Variants in ITGB5 observed in about 807,000 individuals in gnomAD.
The protein encoded by ITGB5 is integrin beta-5.
ITGB5 carries 38 observed loss-of-function variants against 84.8 expected under a neutral mutation model. The observed-to-expected ratio is 0.45, with a 90% confidence interval of 0.35 to 0.59. The LOEUF (loss-of-function observed/expected upper bound fraction) is 0.59, where lower values mean the gene tolerates loss of function less well. ITGB5 is among the 20% of genes least tolerant of loss of function. The pLI is 0.01. For synonymous variants in ITGB5, 393 were observed against 414.4 expected, an observed-to-expected ratio of 0.95 and a Z score of 0.63; for missense variants, 905 against 1,034.5, an observed-to-expected ratio of 0.87 and a Z score of 1.72.
At chr3:124,839,670 C>T (rs1011771646) in intron 5 of ITGB5, among the ~76,000 whole-genome samples, 8 of 152,178 alleles carry the variant, frequency 5.3e-5, no homozygotes, top group South Asian at 2.1e-4. Flanking sequence ...GTGGAGAAAA[C>T]GCCTCCTATA....
chr3:124,832,909 T>C (rs2064879622), intron 5 of ITGB5: 1 of 152,244 alleles, frequency 6.6e-6, no homozygotes, highest in Non-Finnish European at 1.5e-5. Flanking sequence ...CCACAGTAGA[T>C]CTGAGCTTGG....
At chr3:124,874,272 TG>T (rs1214782524) in intron 1 of ITGB5, among the ~76,000 whole-genome samples, 1 of 128,452 alleles carries the variant, frequency 7.8e-6, no homozygotes, top group Non-Finnish European at 1.5e-5. Context: ...CACTCCAGCC[TG>T]GGCAACAGAG....
chr3:124,841,980 T>C (rs1262185720), intron 4 of ITGB5, among the ~76,000 whole-genome samples: 1 of 152,196 alleles, frequency 6.6e-6, no homozygotes, highest in Non-Finnish European at 1.5e-5. Flanking sequence ...AGTTACTCCA[T>C]GCAACCAGCT....
chr3:124,869,477 G>C (rs2065443862), intron 2 of ITGB5, among the ~76,000 whole-genome samples: 3 of 152,156 alleles, frequency 2.0e-5, no homozygotes, highest in South Asian at 4.1e-4. Context: ...TCAGGAAGCT[G>C]GGTAGGAGAA....
intron 1 of ITGB5, among the ~76,000 whole-genome samples, chr3:124,898,782 A>T: frequency 6.8e-6 from 1 of 146,734 alleles, no homozygotes; most frequent in Non-Finnish European, 1.5e-5. Context: ...TTAAAAAAAA[A>T]AAAAAAAAAA....
intron 3 of ITGB5, among the ~76,000 whole-genome samples, chr3:124,858,971 C>T (rs2065257499): frequency 6.6e-6 from 1 of 152,158 alleles, no homozygotes; most frequent in Non-Finnish European, 1.5e-5. Flanking sequence ...GAACTGTACA[C>T]TTGAAAACGC....
rs200296866 is a variant in ITGB5, at chr3:124,769,103, C to T, written c.1927G>A (p.Glu643Lys). 11 of 1,613,862 alleles carry T rather than the reference C, an allele frequency of 6.8e-6. No individual in the cohort carries two copies. Among genetic ancestry groups the T allele is most frequent in the East Asian group, 2.2e-5 (1 of 44,874 alleles). The part of the protein sequence containing the change: ...DACSTKRDCV[E>K]CLLLHSGKPD... ...TTCCCAGAGTGGAGCAGCAGGCACT[C>T]GACGCAATCTCTTTGGAAAAGAGGA... Residue 643 changes from glutamate to lysine, a missense_variant, in exon 12 of 15, where the codon GAG (glutamate) becomes AAG (lysine). Glu to Lys is a moderately conservative substitution (Grantham distance 56). Transcript: ENST00000296181.
chr3:124,763,550 G>A lies in ITGB5; in HGVS notation c.*73C>T, dbSNP rs1404358340. The stretch of plus-strand genomic sequence containing the variant: ...CTACCTAGGGAGCTGTGATCAAGCC[G>A]AGCAGCCGTGCAAGGCGTTTCAGTC... On this transcript the variant is annotated 3_prime_UTR_variant, in exon 15 of 15. Coordinates refer to ENST00000296181, the MANE Select transcript of ITGB5 (RefSeq NM_002213.5). The A allele has an allele frequency of 2.3e-5, 21 of 902,738 alleles. No individual in the cohort carries two copies. Among genetic ancestry groups the A allele is most frequent in the Non-Finnish European group, 3.5e-5 (19 of 548,520 alleles). The allele number at this position is 902,738 out of a possible 1,614,324, so 55.9% of individuals were successfully genotyped here.
At chr3:124,811,101 C>G (rs1015035561) in intron 8 of ITGB5, among the ~76,000 whole-genome samples, 3 of 152,178 alleles carry the variant, frequency 2.0e-5, no homozygotes, top group Non-Finnish European at 4.4e-5. Flanking sequence ...CGTCTTAAAT[C>G]CACTTCCCTT....
rs544344003 is a variant in ITGB5, at chr3:124,768,423, C to T, written c.2017+590G>A. 1.7e-4 allele frequency among the ~76,000 whole-genome samples: 26 copies of T among 152,360 alleles called. No homozygotes were observed. In the South Asian group the frequency reaches 5.2e-3, roughly 30 times the overall value. Reference sequence around the variant, plus strand: ...GTAGTCAATGCCAATTTTCCCTTCTCCCTAGCATCAGGACACCACTAATGT... The same window carrying T: ...GTAGTCAATGCCAATTTTCCCTTCTTCCTAGCATCAGGACACCACTAATGT... On this transcript the variant is annotated intron_variant, in intron 12 of 14. Coordinates refer to ENST00000296181, the MANE Select transcript of ITGB5 (RefSeq NM_002213.5).
rs956277558 is a variant in ITGB5, at chr3:124,859,094, C to G, written c.361+148G>C. ...ACATCAATAAGAATATACTCTGCTTCCTGAGGTCTGAGCCTTGCCTCCCCA... is the reference window on the plus strand; with the variant it reads ...ACATCAATAAGAATATACTCTGCTTGCTGAGGTCTGAGCCTTGCCTCCCCA... On this transcript the variant is annotated intron_variant, in intron 3 of 14. Coordinates refer to ENST00000296181, the MANE Select transcript of ITGB5 (RefSeq NM_002213.5). 12 of 683,634 alleles carry G rather than the reference C, an allele frequency of 1.8e-5. No individual in the cohort carries two copies. In the African/African-American group the frequency reaches 1.8e-4, roughly 10 times the overall value. 42.3% of individuals were successfully genotyped at this position (683,634 alleles called of 1,614,324 possible).
Position 124,821,547 on chromosome 3 carries a change from C to T in ITGB5, c.781-73G>A, listed in dbSNP as rs530960532. On this transcript the variant is annotated intron_variant, in intron 5 of 14. Transcript: ENST00000296181. ...TGCCCTGGTCATGCAGGGCACTGGCCCCTCTCCAGGAGTCACGGCCTGAAT... is the reference window on the plus strand; with the variant it reads ...TGCCCTGGTCATGCAGGGCACTGGCTCCTCTCCAGGAGTCACGGCCTGAAT... The T allele has an allele frequency of 3.9e-6, 6 of 1,527,954 alleles. No homozygotes were observed. In the African/African-American group the frequency reaches 6.8e-5, roughly 17 times the overall value. 94.6% of individuals were successfully genotyped at this position (1,527,954 alleles called of 1,614,324 possible).
chr3:124,792,548 A>G (rs1380954423), intron 10 of ITGB5: 1 of 152,210 alleles, frequency 6.6e-6, no homozygotes, highest in African/African-American at 2.4e-5. Context: ...GACAGCACCA[A>G]CTGGCCACAC....
intron 3 of ITGB5, among the ~76,000 whole-genome samples, chr3:124,854,832 AT>A (rs545981781): frequency 6.6e-6 from 1 of 152,178 alleles, no homozygotes; most frequent in Non-Finnish European, 1.5e-5. Flanking sequence ...TTTAATTTTT[AT>A]TTCCTTCCTG....
chr3:124,829,163 C>A (rs954114280), intron 5 of ITGB5, among the ~76,000 whole-genome samples: 5 of 152,070 alleles, frequency 3.3e-5, no homozygotes, highest in Admixed American at 1.3e-4. Context: ...ATGCTTATTT[C>A]CTTTCTGCTT....
chr3:124,814,570 G>A (rs1378322562), intron 8 of ITGB5, among the ~76,000 whole-genome samples: 2 of 151,268 alleles, frequency 1.3e-5, no homozygotes, highest in Non-Finnish European at 2.9e-5. Context: ...TTGAACTCCC[G>A]GGCTCAGGCG....
intron 1 of ITGB5, among the ~76,000 whole-genome samples, chr3:124,896,003 T>C (rs1464486261): frequency 2.0e-5 from 3 of 152,228 alleles, no homozygotes; most frequent in African/African-American, 7.2e-5. Flanking sequence ...TGTTCCGCAC[T>C]TGGCAGCAGG....
upstream of ITGB5, among the ~76,000 whole-genome samples, chr3:124,888,534 A>G (rs1379667997): frequency 6.6e-6 from 1 of 152,188 alleles, no homozygotes; most frequent in African/African-American, 2.4e-5. Context: ...ATAACGATAG[A>G]ATACCTACCA....
At chr3:124,783,097 C>T (rs1172039502) in intron 10 of ITGB5, among the ~76,000 whole-genome samples, 7 of 151,442 alleles carry the variant, frequency 4.6e-5, no homozygotes. Context: ...TCGAGACAAA[C>T]CTGGGCAACA....
Sources: gnomAD v4.1 joint callset for allele counts (sites outside exome capture counted in the v4.1 genomes callset) on GRCh38, gnomAD v4.1.1 for gene constraint, MANE v1.5 for transcripts, NCBI Gene and HGNC (gene_info 2026-07-23, HGNC 2026-07-21) for gene names.